The following ZNF185 variants were observed in gnomAD, a reference collection of about 807,000 sequenced individuals.
ZNF185 encodes the protein zinc finger protein 185.
In ZNF185, 56 loss-of-function variants were observed where a neutral mutation model predicts 58.6. The observed-to-expected ratio is 0.95, with a 90% confidence interval of 0.77 to 1.19. ZNF185 has a LOEUF of 1.19. Ranked by LOEUF, ZNF185 falls within the 50% of genes most tolerant of loss-of-function variation. ZNF185 has a pLI of 0.00. For missense variants in ZNF185, 627 were observed against 573.5 expected (o/e 1.09, Z -0.95); for synonymous variants, 230 against 215.9 (o/e 1.07, Z -0.57).
chrX:152,959,830 C>T, exon 17 of ZNF185: 1 of 1,211,796 alleles, frequency 8.3e-7, no homozygotes, highest in East Asian at 3.0e-5. Flanking sequence ...GATCCCAGTA[C>T]CCCAGAACAG....
intron 14 of ZNF185, among the ~76,000 whole-genome samples, chrX:152,935,495 C>CT (rs1556880904): frequency 3.6e-5 from 4 of 112,124 alleles, no homozygotes; most frequent in African/African-American, 9.8e-5. Flanking sequence ...CTCAGCCTCC[C>CT]AAAGTGCTGG....
intron 16 of ZNF185, among the ~76,000 whole-genome samples, chrX:152,950,451 A>G (rs1174041356): frequency 8.9e-6 from 1 of 111,819 alleles, no homozygotes; most frequent in African/African-American, 3.3e-5. Context: ...GGGCTTTGAT[A>G]AAGAGCAATA....
intron 3 of ZNF185, among the ~76,000 whole-genome samples, chrX:152,915,482 C>G (rs2125282131): frequency 8.9e-6 from 1 of 112,660 alleles, no homozygotes; most frequent in East Asian, 2.8e-4. Context: ...TCCGTGGCTC[C>G]AGCTGTTAAC....
At chrX:152,969,337 CTG>C in intron 20 of ZNF185, 43 bp from the exon 23 acceptor site, 2 of 1,101,872 alleles carry the variant, frequency 1.8e-6, no homozygotes, top group African/African-American at 3.6e-5. Flanking sequence ...CATCAGAGGT[CTG>C]TACACCAGCC....
intron 16 of ZNF185, among the ~76,000 whole-genome samples, chrX:152,949,944 G>A (rs1261152811): frequency 9.0e-6 from 1 of 111,352 alleles, no homozygotes; most frequent in African/African-American, 3.3e-5. Flanking sequence ...CAGTGCTAAG[G>A]GTAAAACCTT....
At chrX:152,968,564 C>T (rs1312477997) in intron 20 of ZNF185, among the ~76,000 whole-genome samples, 1 of 112,813 alleles carries the variant, frequency 8.9e-6, no homozygotes, top group Non-Finnish European at 1.9e-5. Flanking sequence ...TCAAGCAGCA[C>T]TGCTGTCCAG....
chrX:152,955,995 AC>A (rs1308754115), intron 16 of ZNF185, among the ~76,000 whole-genome samples: 1 of 39,165 alleles, frequency 2.6e-5, no homozygotes, highest in East Asian at 8.1e-4. Flanking sequence ...ACTTTTAGTT[AC>A]CTAGTTACCA....
At chrX:152,936,180 A>C (rs781790395) in intron 14 of ZNF185, among the ~76,000 whole-genome samples, 1 of 113,009 alleles carries the variant, frequency 8.8e-6, no homozygotes, top group East Asian at 2.8e-4. Flanking sequence ...TAACATGCCC[A>C]ATGTCACACA....
intron 11 of ZNF185, among the ~76,000 whole-genome samples, chrX:152,926,728 G>A (rs150443041): frequency 0.027 from 3,016 of 111,832 alleles, 47 homozygotes; most frequent in South Asian, 0.15. Flanking sequence ...AGCGGGTTGT[G>A]GGGGAGGAGA....
chrX:152,922,347 C>T, intron 10 of ZNF185, 91 bp downstream of exon 11: 3 of 889,182 alleles, frequency 3.4e-6, no homozygotes, highest in Non-Finnish European at 4.7e-6. Context: ...CACCTCCATG[C>T]TGGGCTTCGA....
At chrX:152,912,405 T>A (rs782312766), upstream of ZNF185, among the ~76,000 whole-genome samples, 25 of 111,723 alleles carry the variant, frequency 2.2e-4, no homozygotes, top group East Asian at 6.0e-3. Context: ...AGTGTCTGTC[T>A]TGACTTTGGA....
chrX:152,959,016 C>T (rs2049163413), intron 16 of ZNF185, among the ~76,000 whole-genome samples: 2 of 112,534 alleles, frequency 1.8e-5, no homozygotes, highest in Non-Finnish European at 3.8e-5. Flanking sequence ...TTGTTTTGGG[C>T]GAGATCGACC....
exon 19 of ZNF185, chrX:152,965,473 A>G (rs1556913810): frequency 8.4e-7 from 1 of 1,187,311 alleles, no homozygotes; most frequent in Admixed American, 2.4e-5. Context: ...GTGAAGGAGT[A>G]CGTGAATGCT....
upstream of ZNF185, among the ~76,000 whole-genome samples, chrX:152,911,239 G>T (rs1937133134): frequency 8.9e-6 from 1 of 111,915 alleles, no homozygotes; most frequent in South Asian, 3.7e-4. Flanking sequence ...TTTCAGGTGG[G>T]CGGACCAGTA....
the ZNF185 span, among the ~76,000 whole-genome samples, chrX:152,906,359 T>C: frequency 8.8e-6 from 1 of 113,262 alleles, no homozygotes. Context: ...CCCAGCTATA[T>C]TCTGGGCCTC....
chrX:152,954,969 AGG>A lies in ZNF185; in HGVS notation c.1410-4724_1410-4723del, dbSNP rs782234164. 3.3e-4 allele frequency among the ~76,000 whole-genome samples: 37 copies of A among 110,552 alleles called. 1 individual carries two copies. In the South Asian group the frequency reaches 0.014, roughly 41 times the overall value. On this transcript the variant is annotated intron_variant, in intron 16 of 22. Coordinates refer to ENST00000449285, the Ensembl canonical transcript of ZNF185. ...GATTTATAGATTAAAAAAAAGGTGG[AGG>A]GGGGGAAATGACGTACAGAAATTGG...
chrX:152,921,007 G>A (rs1209048501), intron 9 of ZNF185, among the ~76,000 whole-genome samples: 2 of 112,778 alleles, frequency 1.8e-5, no homozygotes, highest in African/African-American at 6.4e-5. Flanking sequence ...CCAACGTGGA[G>A]CATTTCCAAG....
exon 6 of ZNF185, chrX:152,918,100 C>T: frequency 8.4e-7 from 1 of 1,192,855 alleles, no homozygotes; most frequent in Non-Finnish European, 1.1e-6. Flanking sequence ...AACGCTGGTC[C>T]TCCCCGCCCC....
At chrX:152,954,837 G>A (rs1184566842) in intron 16 of ZNF185, among the ~76,000 whole-genome samples, 3 of 111,493 alleles carry the variant, frequency 2.7e-5, no homozygotes, top group Non-Finnish European at 3.8e-5. Context: ...AACCTCAGCC[G>A]GATTAAATTT....
Sources: allele counts gnomAD v4.1 joint callset (sites outside exome capture counted in the v4.1 genomes callset), GRCh38; gene constraint gnomAD v4.1.1; transcripts MANE v1.5; gene names NCBI Gene and HGNC (gene_info 2026-07-23, HGNC 2026-07-21).